GTF3C3: variants seen among roughly 807,000 people sequenced by gnomAD.
GTF3C3 encodes the protein general transcription factor 3C polypeptide 3.
In GTF3C3, 75 loss-of-function variants were observed where a neutral mutation model predicts 105.2. That is an observed-to-expected ratio of 0.71 (90% CI 0.59 to 0.86). GTF3C3 has a LOEUF of 0.86. Ranked by LOEUF, GTF3C3 falls within the 40% of genes least tolerant of loss-of-function variation. GTF3C3 has a pLI of 0.00. For missense variants in GTF3C3, 856 were observed against 1,076.5 expected (o/e 0.80, Z 2.87); for synonymous variants, 335 against 370.4 (o/e 0.90, Z 1.10).
In GTF3C3 at chr2:196,789,868, A is replaced by AAT; in HGVS notation, c.727+10_727+11insAT. The AAT allele has an allele frequency of 6.6e-7, 1 of 1,511,376 alleles. No homozygotes were observed. The highest frequency in any genetic ancestry group is 8.9e-7 in the Non-Finnish European group (1 of 1,127,236). The allele number at this position is 1,511,376 out of a possible 1,614,324, so 93.6% of individuals were successfully genotyped here. On this transcript the variant is annotated intron_variant, in intron 5 of 17. Coordinates refer to ENST00000263956, the MANE Select transcript of GTF3C3 (RefSeq NM_012086.5). ...CTTGTAAAAGTGAAAAAAAAAAAAAATTTTAATTACCTTTTGTATAGCAAA... is the reference window on the plus strand; with the variant it reads ...CTTGTAAAAGTGAAAAAAAAAAAAAAATTTTTAATTACCTTTTGTATAGCAAA...
chr2:196,773,757 T>G (rs1048701266), intron 13 of GTF3C3: 5 of 349,278 alleles, frequency 1.4e-5, no homozygotes, highest in Admixed American at 1.4e-4. Context: ...TGACAGATCA[T>G]CAGGCATTCA....
chr2:196,787,872 G>A (rs1036585741), intron 6 of GTF3C3, among the ~76,000 whole-genome samples: 1 of 152,124 alleles, frequency 6.6e-6, no homozygotes, highest in African/African-American at 2.4e-5. Flanking sequence ...AGGGAAAGCA[G>A]GGACCAAAGG....
At chr2:196,769,860 T>C in intron 16 of GTF3C3, 55 bp downstream of exon 16, 1 of 1,427,510 alleles carries the variant, frequency 7.0e-7, no homozygotes. Flanking sequence ...AAGTATTAAG[T>C]ATATTCATTT....
Position 196,778,697 on chromosome 2 carries a change from T to C in GTF3C3, c.1390+199A>G, listed in dbSNP as rs1699297049. ...GTCCTTCAACTTCACTCTGGCATCA[T>C]TAAGTAAATCATTCCTCCAAAGCAT... is the stretch of plus-strand genomic sequence containing the variant. On this transcript the variant is annotated intron_variant, in intron 10 of 17. Coordinates refer to ENST00000263956, the MANE Select transcript of GTF3C3 (RefSeq NM_012086.5). The C allele has an allele frequency of 5.1e-6, 3 of 585,666 alleles. No homozygotes were observed. In the Admixed American group the frequency reaches 8.9e-5, roughly 17 times the overall value. The allele number at this position is 585,666 out of a possible 1,614,324, so 36.3% of individuals were successfully genotyped here.
intron 2 of GTF3C3, among the ~76,000 whole-genome samples, chr2:196,796,576 C>T (rs1046112727): frequency 2.0e-5 from 3 of 152,130 alleles, no homozygotes; most frequent in Non-Finnish European, 2.9e-5. Context: ...TCAACATGTA[C>T]CATGGTGGTT....
At chr2:196,779,284 G>A (rs1052380299) in intron 9 of GTF3C3, among the ~76,000 whole-genome samples, 3 of 151,886 alleles carry the variant, frequency 2.0e-5, no homozygotes, top group African/African-American at 7.2e-5. Context: ...CATACCACCA[G>A]GCCCAGCTAA....
rs770496422 is a variant in GTF3C3, at chr2:196,771,761, A to C, written c.2247T>G (p.Phe749Leu). ...NGHNAFVSGS[F>L]KHALGQYVQA... The stretch of plus-strand genomic sequence containing the variant: ...CAGGACACTTACCAAGCGCATGCTT[A>C]AAACTACCAGATACAAATGCATTGT... The change falls in exon 15 of 18, where the codon TTT (phenylalanine) becomes TTG (leucine). Residue 749 changes from phenylalanine (F) to leucine (L), a missense_variant. Transcript: ENST00000263956. 5.6e-6 allele frequency: 9 copies of C among 1,611,702 alleles called. No individual in the cohort carries two copies. Among genetic ancestry groups the C allele is most frequent in the Non-Finnish European group, 7.6e-6 (9 of 1,177,764 alleles).
chr2:196,767,835 T>C (rs982204549), intron 16 of GTF3C3, among the ~76,000 whole-genome samples: 3 of 152,226 alleles, frequency 2.0e-5, no homozygotes, highest in East Asian at 1.9e-4. Flanking sequence ...AATGAACCTG[T>C]AGGTCCCCTA....
chr2:196,779,219 CTGGGTT>C, intron 9 of GTF3C3, 152 bp from the exon 10 acceptor site: 1 of 630,894 alleles, frequency 1.6e-6, no homozygotes, highest in Non-Finnish European at 2.7e-6. Flanking sequence ...CCTCTGCTTG[CTGGGTT>C]CAAGTGATTC....
chr2:196,777,263 C>T (rs939044448), intron 10 of GTF3C3, among the ~76,000 whole-genome samples: 1 of 151,934 alleles, frequency 6.6e-6, no homozygotes, highest in African/African-American at 2.4e-5. Flanking sequence ...CCCTAGTATT[C>T]TCTCTCTCTC....
rs769245925 is a variant in GTF3C3, at chr2:196,789,355, G to C, written c.742C>G (p.Pro248Ala). ...FCYTKALKYE[P>A]TNVRYLWERS... ...TCCCACAGATAACGGACATTAGTAG[G>C]TTCATATTTAAGAGCTAAAAAGAAA... The change falls in exon 6 of 18, where the codon CCT becomes GCT. Residue 248 changes from proline to alanine, a missense_variant. Pro to Ala is a conservative substitution (Grantham distance 27). Around this residue, in one of 3 missense-constraint regions of GTF3C3, gnomAD observed 605 missense variants for 833.6 expected, o/e 0.73. Coordinates refer to ENST00000263956, the MANE Select transcript of GTF3C3 (RefSeq NM_012086.5). 4 of 1,595,362 alleles carry C rather than the reference G, an allele frequency of 2.5e-6. No individual in the cohort carries two copies. The East Asian group carries it at 9.0e-5, about 36-fold the overall frequency.
rs979681256 is a variant in GTF3C3 at position 196,786,042 on chromosome 2, A to C, written c.894-454T>G. The stretch of plus-strand genomic sequence containing the variant: ...CTCAATAAAACTCCAAGCCTGGTTA[A>C]AATCCAACTATATCTACTCTTCACC... On this transcript the variant is annotated intron_variant, in intron 6 of 17. Transcript: ENST00000263956. The surrounding 1 kb of genome is among the most constrained non-coding windows in gnomAD (Gnocchi z 4.2). Among the ~76,000 whole-genome samples, 2 of 152,142 alleles carry C rather than the reference A, an allele frequency of 1.3e-5. No homozygotes were observed. Among genetic ancestry groups the C allele is most frequent in the Non-Finnish European group, 1.5e-5 (1 of 68,012 alleles).
At chr2:196,792,882 G>A (rs1285878791) in intron 3 of GTF3C3, 74 bp downstream of exon 3, 12 of 916,362 alleles carry the variant, frequency 1.3e-5, no homozygotes, top group Admixed American at 6.4e-5. Context: ...TGTTTCCCAG[G>A]TATAACTTAC....
chr2:196,770,973 G>A (rs1443605476), intron 15 of GTF3C3, among the ~76,000 whole-genome samples: 14 of 152,122 alleles, frequency 9.2e-5, no homozygotes, highest in East Asian at 3.8e-4. Context: ...AATCATGAAC[G>A]TATCAAATAG....
chr2:196,795,307 G>A (rs1220034956), intron 2 of GTF3C3, among the ~76,000 whole-genome samples: 1 of 152,200 alleles, frequency 6.6e-6, no homozygotes, highest in African/African-American at 2.4e-5. Context: ...CAAAGTGCTG[G>A]GATTAGAAGC....
At chr2:196,774,890 G>A (rs1304728290) in intron 13 of GTF3C3, 2 of 331,228 alleles carry the variant, frequency 6.0e-6, no homozygotes, top group African/African-American at 4.3e-5. Flanking sequence ...TTCTTTCACA[G>A]ATCCAAGCAG....
rs143565591 is a variant in GTF3C3 at position 196,775,612 on chromosome 2, G to A, written c.1696-361C>T. Among the ~76,000 whole-genome samples the A allele has an allele frequency of 6.2e-3, 944 of 152,210 alleles. 7 individuals are homozygous for A. The highest frequency in any genetic ancestry group is 0.022 in the African/African-American group (906 of 41,500). On this transcript the variant is annotated intron_variant, in intron 12 of 17. Coordinates refer to ENST00000263956, the MANE Select transcript of GTF3C3 (RefSeq NM_012086.5). Reference sequence around the variant, plus strand: ...CTCAGAAAGAAAAAAGGCAATTCACGTTAACATTATAACATGCATATACAC... The same window carrying A: ...CTCAGAAAGAAAAAAGGCAATTCACATTAACATTATAACATGCATATACAC...
At position 196,763,814 on chromosome 2, in the gene GTF3C3, T is replaced by TTC. The variant is rs1699012321; in HGVS notation, c.*748_*749insGA. On this transcript the variant is annotated 3_prime_UTR_variant, in exon 18 of 18. Transcript: ENST00000263956. ...AACAAAAAAAAAGTTTTTTACTTTA[T>TTC]CAATCAGCAGTATGTCCTTTATTCC... 6.6e-6 allele frequency: 1 copy of TTC among 152,166 alleles called. No homozygotes were observed. Among genetic ancestry groups the TTC allele is most frequent in the South Asian group, 2.1e-4 (1 of 4,830 alleles). 9.4% of individuals were successfully genotyped at this position (152,166 alleles called of 1,614,324 possible). A position where few individuals can be genotyped will look rare whatever the true frequency, so the allele number is the denominator to read the frequency against.
At chr2:196,797,573 A>T (rs1699668594) in intron 2 of GTF3C3, among the ~76,000 whole-genome samples, 1 of 152,242 alleles carries the variant, frequency 6.6e-6, no homozygotes, top group African/African-American at 2.4e-5. Flanking sequence ...ATGTCAATTT[A>T]AAACACTTTT....
Sources: gnomAD v4.1 joint callset for allele counts (sites outside exome capture counted in the v4.1 genomes callset) on GRCh38, gnomAD v4.1.1 for gene constraint, gnomAD v4.1.1 regional missense constraint, Gnocchi (gnomAD v3.1) non-coding constraint, MANE v1.5 for transcripts, NCBI Gene and HGNC (gene_info 2026-07-23, HGNC 2026-07-21) for gene names.